Variants in SNTG2 observed in about 807,000 individuals in gnomAD.
SNTG2 encodes the protein syntrophin gamma 2, also known as gamma-2-syntrophin.
A neutral mutation model predicts 70.9 loss-of-function variants in SNTG2; 74 were observed. That is an observed-to-expected ratio of 1.04 (90% CI 0.86 to 1.27). The LOEUF (loss-of-function observed/expected upper bound fraction) is 1.27, where lower values mean the gene tolerates loss of function less well. SNTG2 is among the 50% of genes most tolerant of loss of function. The pLI, the probability that SNTG2 is intolerant of heterozygous loss-of-function variation, is 0.00. For synonymous variants in SNTG2, 278 were observed against 273.8 expected (o/e 1.02, Z -0.15); for missense variants, 717 against 690.7 (o/e 1.04, Z -0.43).
intron 9 of SNTG2, among the ~76,000 whole-genome samples, chr2:1,224,926 A>C (rs1293019614): frequency 2.0e-5 from 3 of 152,224 alleles, no homozygotes; most frequent in African/African-American, 7.2e-5. Flanking sequence ...AGTTGTGTTT[A>C]ACACCTAAAC....
intron 15 of SNTG2, among the ~76,000 whole-genome samples, chr2:1,310,701 T>C (rs1221205190): frequency 2.0e-5 from 3 of 152,106 alleles, no homozygotes; most frequent in African/African-American, 7.2e-5. Context: ...TCCGGAGCCT[T>C]TTCCCATTTC....
At chr2:954,168 T>C (rs1006937977) in intron 1 of SNTG2, among the ~76,000 whole-genome samples, 3 of 152,138 alleles carry the variant, frequency 2.0e-5, no homozygotes, top group Non-Finnish European at 4.4e-5. Flanking sequence ...CCTGCGCTGC[T>C]GGGCATGGGG....
chr2:1,091,029 C>T (rs1228066851), intron 2 of SNTG2, among the ~76,000 whole-genome samples: 1 of 152,158 alleles, frequency 6.6e-6, no homozygotes, highest in African/African-American at 2.4e-5. Context: ...ACCTGATGGT[C>T]GCCTGACGTT....
intron 1 of SNTG2, among the ~76,000 whole-genome samples, chr2:958,760 T>C (rs1248321742): frequency 6.6e-6 from 1 of 152,206 alleles, no homozygotes; most frequent in East Asian, 1.9e-4. Flanking sequence ...TTCCAAATTA[T>C]TTTCTATTTT....
rs182072220 is a variant in SNTG2 at position 988,285 on chromosome 2, A to G, written c.72+37217A>G. Reference sequence around the variant, plus strand: ...AATCATAGAGCCACAACTATGATCAAGATTAGACACTCATGACCCCAGAGG... The same window carrying G: ...AATCATAGAGCCACAACTATGATCAGGATTAGACACTCATGACCCCAGAGG... On this transcript the variant is annotated intron_variant, in intron 1 of 16. Coordinates refer to ENST00000308624, the MANE Select transcript of SNTG2 (RefSeq NM_018968.4). Among the ~76,000 whole-genome samples the G allele has an allele frequency of 1.1e-3, 166 of 152,322 alleles. 2 individuals are homozygous for G. Among genetic ancestry groups the G allele is most frequent in the Middle Eastern group, 0.01 (3 of 294 alleles).
intron 16 of SNTG2, among the ~76,000 whole-genome samples, chr2:1,339,996 G>C (rs1389354267): frequency 6.6e-6 from 1 of 152,222 alleles, no homozygotes; most frequent in Non-Finnish European, 1.5e-5. Context: ...TGCAGCACAG[G>C]CTGCTTCCGG....
chr2:1,053,329 G>A (rs139543041), intron 1 of SNTG2, among the ~76,000 whole-genome samples: 1 of 152,104 alleles, frequency 6.6e-6, no homozygotes, highest in Non-Finnish European at 1.5e-5. Flanking sequence ...TATTGAAGAT[G>A]AAAGTTATTT....
chr2:970,208 A>C (rs1190402943), intron 1 of SNTG2, among the ~76,000 whole-genome samples: 1 of 152,222 alleles, frequency 6.6e-6, no homozygotes. Context: ...CCAGGGATAA[A>C]GCCTACCTAA....
chr2:987,712 C>G (rs144876599), intron 1 of SNTG2, among the ~76,000 whole-genome samples: 2 of 152,228 alleles, frequency 1.3e-5, no homozygotes, highest in East Asian at 3.9e-4. Context: ...GTCTCAGCAG[C>G]TCTAGGAAAC....
chr2:1,221,443 GTC>G (rs1361819655), intron 9 of SNTG2, among the ~76,000 whole-genome samples: 2 of 91,670 alleles, frequency 2.2e-5, no homozygotes, highest in Admixed American at 1.0e-4. Context: ...CTCTGTCTCT[GTC>G]TCTGTCTCTC....
Position 1,165,589 on chromosome 2 carries a change from C to A in SNTG2, c.453C>A (p.Thr151=), listed in dbSNP as rs372474874. 1 of 1,612,592 alleles carries A rather than the reference C, an allele frequency of 6.2e-7. No individual in the cohort carries two copies. Among genetic ancestry groups the A allele is most frequent in the Non-Finnish European group, 8.5e-7 (1 of 1,179,500 alleles). Residue 151 remains threonine (T), a synonymous_variant, in exon 7 of 17, where the codon ACC becomes ACA. Transcript: ENST00000308624. ...LRNAGDEVTI[T]VEYLREAPAF... Reference sequence around the variant, plus strand: ...ATGCTGGCGATGAAGTTACCATCACCGTTGAGTATCTCAGGGAAGCGCCGG... The same window carrying A: ...ATGCTGGCGATGAAGTTACCATCACAGTTGAGTATCTCAGGGAAGCGCCGG...
intron 4 of SNTG2, among the ~76,000 whole-genome samples, chr2:1,113,155 G>T (rs113599710): frequency 0.57 from 9,509 of 16,614 alleles, 2,341 homozygotes; most frequent in Non-Finnish European, 0.6. Context: ...GAGGAGGATC[G>T]TGGGTACTAA....
intron 1 of SNTG2, among the ~76,000 whole-genome samples, chr2:972,124 G>A (rs1210020831): frequency 1.3e-5 from 2 of 152,032 alleles, no homozygotes; most frequent in Non-Finnish European, 2.9e-5. Context: ...GTTGTTTGGG[G>A]GTATAGAGCT....
intron 14 of SNTG2, among the ~76,000 whole-genome samples, chr2:1,308,068 G>C (rs565255199): frequency 6.6e-6 from 1 of 152,188 alleles, no homozygotes. Flanking sequence ...GGAAAGTGCC[G>C]CTTCCAGCTT....
intron 1 of SNTG2, among the ~76,000 whole-genome samples, chr2:966,395 C>T (rs1572172352): frequency 6.6e-6 from 1 of 151,928 alleles, no homozygotes; most frequent in South Asian, 2.1e-4. Flanking sequence ...AGAGAAAATG[C>T]TTATTTTCTT....
chr2:1,077,725 T>C (rs1167050613), intron 1 of SNTG2, among the ~76,000 whole-genome samples: 6 of 152,190 alleles, frequency 3.9e-5, no homozygotes, highest in African/African-American at 1.4e-4. Flanking sequence ...TCACAGGTTT[T>C]TATTTTGTTT....
At position 1,316,265 on chromosome 2, in the gene SNTG2, A is replaced by G. The variant is rs768930715; in HGVS notation, c.1378A>G (p.Asn460Asp). The G allele has an allele frequency of 1.5e-5, 22 of 1,476,250 alleles. No homozygotes were observed. The South Asian group carries it at 2.6e-4, about 18-fold the overall frequency. 91.4% of individuals were successfully genotyped at this position (1,476,250 alleles called of 1,614,324 possible). ...GFTCFESKTK[N>D]VLWRFKFSQL... ...GCTAATTAATTTTATTCCTTTACAG[A>G]ATGTGCTCTGGAGATTTAAATTTTC... The change falls in exon 16 of 17, where the codon AAT (asparagine) becomes GAT (aspartate). Residue 460 changes from asparagine to aspartate, a missense_variant and splice_region_variant. Asn to Asp is a conservative substitution (Grantham distance 23). Transcript: ENST00000308624.
intron 1 of SNTG2, among the ~76,000 whole-genome samples, chr2:1,070,399 G>T (rs988798999): frequency 2.0e-5 from 3 of 152,162 alleles, no homozygotes; most frequent in African/African-American, 7.2e-5. Flanking sequence ...TAAAATGAGG[G>T]TGTTTAGGAA....
At chr2:1,207,315 T>C (rs1673695898) in intron 8 of SNTG2, among the ~76,000 whole-genome samples, 1 of 152,226 alleles carries the variant, frequency 6.6e-6, no homozygotes, top group Admixed American at 6.5e-5. Context: ...GTTCAAATGT[T>C]CCAATATTGC....
Sources: allele counts gnomAD v4.1 joint callset (sites outside exome capture counted in the v4.1 genomes callset), GRCh38; gene constraint gnomAD v4.1.1; transcripts MANE v1.5; gene names NCBI Gene and HGNC (gene_info 2026-07-23, HGNC 2026-07-21).